TM7SF3: variants seen among roughly 807,000 people sequenced by gnomAD.
The protein encoded by TM7SF3 is seven span transmembrane protein.
TM7SF3 carries 60 observed loss-of-function variants against 65.5 expected under a neutral mutation model. That is an observed-to-expected ratio of 0.92 (90% CI 0.74 to 1.14). The LOEUF is 1.14. Among genes scored for constraint, TM7SF3 ranks in the 50% most tolerant of loss-of-function variants. The pLI is 0.00. For missense variants in TM7SF3, 623 were observed against 684.8 expected (o/e 0.91, Z 1.01); for synonymous variants, 264 against 259.6 (o/e 1.02, Z -0.16).
At chr12:26,980,120 C>G (rs935034547) in intron 8 of TM7SF3, 184 bp from the exon 9 acceptor site, 37 of 664,406 alleles carry the variant, frequency 5.6e-5, no homozygotes, top group Non-Finnish European at 8.6e-5. Context: ...TGGGCTGAGA[C>G]AAGGAAATTA....
chr12:27,007,599 G>T (rs1188651786), intron 1 of TM7SF3, among the ~76,000 whole-genome samples: 1 of 151,858 alleles, frequency 6.6e-6, no homozygotes, highest in East Asian at 1.9e-4. Context: ...AATCCCTGGG[G>T]CTAAGGTCCA....
rs989405205 is a variant in TM7SF3 at position 26,983,232 on chromosome 12, G to C, written c.869-373C>G. On this transcript the variant is annotated intron_variant, in intron 6 of 11. Transcript: ENST00000343028. ...CATGGACAAAAGGTGGCAGGGAGTG[G>C]GGGGGAGGTGGTGGGGGTGGGTGGA... Among the ~76,000 whole-genome samples, 4 of 150,720 alleles carry C rather than the reference G, an allele frequency of 2.7e-5. No homozygotes were observed. The South Asian group carries it at 6.4e-4, about 24-fold the overall frequency.
At position 26,980,639 on chromosome 12, in the gene TM7SF3, G is replaced by A; in HGVS notation, c.963C>T (p.Phe321=). 1 of 1,555,586 alleles carries A rather than the reference G, an allele frequency of 6.4e-7. No homozygotes were observed. Among genetic ancestry groups the A allele is most frequent in the Non-Finnish European group, 8.8e-7 (1 of 1,142,102 alleles). Residue 321 remains phenylalanine (F), a synonymous_variant, in exon 8 of 12, where the codon TTC becomes TTT. Coordinates refer to ENST00000343028, the MANE Select transcript of TM7SF3 (RefSeq NM_016551.3). ...FGHRFWKTEL[F]FIGFIIMGFF... Reference sequence around the variant, plus strand: ...ATCCCATGATGATAAAGCCTATGAAGAATAATTCTAAGTGGCAAACCACCA... The same window carrying A: ...ATCCCATGATGATAAAGCCTATGAAAAATAATTCTAAGTGGCAAACCACCA...
At chr12:26,976,581 G>A (rs1418118098) in intron 9 of TM7SF3, among the ~76,000 whole-genome samples, 2 of 152,170 alleles carry the variant, frequency 1.3e-5, no homozygotes, top group South Asian at 2.1e-4. Context: ...GCAGGTCAAC[G>A]CTCTGCACTT....
At chr12:26,984,600 A>G (rs1211708707) in intron 6 of TM7SF3, among the ~76,000 whole-genome samples, 1 of 152,178 alleles carries the variant, frequency 6.6e-6, no homozygotes, top group Non-Finnish European at 1.5e-5. Context: ...AATCCCGTGA[A>G]CTTTTCAGCA....
intron 6 of TM7SF3, among the ~76,000 whole-genome samples, chr12:26,984,366 T>G (rs928305717): frequency 5.9e-5 from 9 of 151,672 alleles, no homozygotes; most frequent in African/African-American, 2.2e-4. Context: ...GAAGCAGAGG[T>G]TGCAGTGAGC....
At position 26,973,970 on chromosome 12, in the gene TM7SF3, G is replaced by A. The variant is rs1483263363; in HGVS notation, c.1708C>T (p.Leu570=). 1 of 1,613,760 alleles carries A rather than the reference G, an allele frequency of 6.2e-7. No individual in the cohort carries two copies. The highest frequency in any genetic ancestry group is 8.5e-7 in the Non-Finnish European group (1 of 1,179,994). ...CTGACCAAGCCCCTGGGCATCTACAGAAGCAAAGGCGTTCTCTCTCCAGCT... is the reference window on the plus strand; with the variant it reads ...CTGACCAAGCCCCTGGGCATCTACAAAAGCAAAGGCGTTCTCTCTCCAGCT... ...QPAGERTPLL[L] The change falls in exon 12 of 12, where the codon CTG becomes TTG. Residue 570 remains leucine, a synonymous_variant. Transcript: ENST00000343028.
chr12:26,981,656 G>T (rs1215378228), intron 7 of TM7SF3, among the ~76,000 whole-genome samples: 1 of 152,052 alleles, frequency 6.6e-6, no homozygotes, highest in Non-Finnish European at 1.5e-5. Context: ...TGTCATAATA[G>T]CAGGAAAGGA....
chr12:26,988,673 TG>T (rs34662889), intron 6 of TM7SF3, among the ~76,000 whole-genome samples: 2 of 9,640 alleles, frequency 2.1e-4, no homozygotes, highest in African/African-American at 6.7e-4. Context: ...AGAAGAAAAT[TG>T]TGTGTGTGTG....
At chr12:26,989,647 A>G (rs1187783324) in intron 6 of TM7SF3, among the ~76,000 whole-genome samples, 1 of 150,608 alleles carries the variant, frequency 6.6e-6, no homozygotes, top group Non-Finnish European at 1.5e-5. Context: ...CTGAGAAACC[A>G]TTTCAAGATA....
intron 6 of TM7SF3, chr12:26,983,348 G>A (rs1802319246): frequency 6.1e-6 from 2 of 326,280 alleles, no homozygotes; most frequent in African/African-American, 2.1e-5. Flanking sequence ...ACAAACTGTG[G>A]AAAACAATTG....
At chr12:26,976,143 G>A in intron 10 of TM7SF3, 117 bp downstream of exon 10, 1 of 748,872 alleles carries the variant, frequency 1.3e-6, no homozygotes, top group Non-Finnish European at 2.3e-6. Context: ...TCAGTCATCT[G>A]ATACAGGTAA....
intron 6 of TM7SF3, among the ~76,000 whole-genome samples, chr12:26,989,485 C>T (rs946637168): frequency 2.0e-5 from 3 of 151,116 alleles, no homozygotes; most frequent in Non-Finnish European, 4.4e-5. Flanking sequence ...GCACAGGAGT[C>T]GGCTCCCCCA....
chr12:26,995,422 AC>A lies in TM7SF3; in HGVS notation c.519-15del, dbSNP rs752084891. On this transcript the variant is annotated splice_polypyrimidine_tract_variant and intron_variant, in intron 4 of 11. Coordinates refer to ENST00000343028, the MANE Select transcript of TM7SF3 (RefSeq NM_016551.3). The stretch of plus-strand genomic sequence containing the variant: ...GGATCTACGCCTCTAAAGTCAACCA[AC>A]AAAATGAAACATCAGTCTCTTGTGG... 1 of 1,613,880 alleles carries A rather than the reference AC, an allele frequency of 6.2e-7. No individual in the cohort carries two copies. The highest frequency in any genetic ancestry group is 8.5e-7 in the Non-Finnish European group (1 of 1,179,882).
intron 1 of TM7SF3, among the ~76,000 whole-genome samples, 179 bp from the exon 2 acceptor site, chr12:27,003,569 G>A (rs1275616418): frequency 7.9e-5 from 12 of 152,204 alleles, no homozygotes; most frequent in Non-Finnish European, 8.8e-5. Flanking sequence ...AGCCCATCCA[G>A]GGTCATCCAG....
rs369276544 is a variant in TM7SF3, at chr12:26,973,981, G to A, written c.1697C>T (p.Thr566Met). ...CCTGGGCATCTACAGAAGCAAAGGCGTTCTCTCTCCAGCTGGCTGCTCCTT... is the reference window on the plus strand; with the variant it reads ...CCTGGGCATCTACAGAAGCAAAGGCATTCTCTCTCCAGCTGGCTGCTCCTT... ...FQKEQPAGER[T>M]PLLL Residue 566 changes from threonine (T) to methionine (M), a missense_variant, in exon 12 of 12, where the codon ACG (threonine) becomes ATG (methionine). By Grantham distance (81) the Thr-to-Met change is moderately conservative (BLOSUM62 -1). Transcript: ENST00000343028. The A allele has an allele frequency of 6.8e-6, 11 of 1,614,008 alleles. No homozygotes were observed. The highest frequency in any genetic ancestry group is 2.7e-5 in the African/African-American group (2 of 74,928).
At chr12:27,000,546 G>A (rs893019348) in intron 2 of TM7SF3, among the ~76,000 whole-genome samples, 4 of 151,896 alleles carry the variant, frequency 2.6e-5, no homozygotes, top group Non-Finnish European at 4.4e-5. Flanking sequence ...TACAAGCTCC[G>A]CCTCCCGGGT....
chr12:26,979,882 G>A lies in TM7SF3; in HGVS notation c.1091C>T (p.Ala364Val). The change falls in exon 9 of 12, where the codon GCT becomes GTT. Residue 364 changes from alanine to valine, a missense_variant. Coordinates refer to ENST00000343028, the MANE Select transcript of TM7SF3 (RefSeq NM_016551.3). ...GAGGATTCCAAATCGCCACCACACA[G>A]CTACCAAGAACATTCCACCGACGCT... ...TGSVGGMFLV[A>V]VWWRFGILSI... 7 of 1,614,182 alleles carry A rather than the reference G, an allele frequency of 4.3e-6. No individual in the cohort carries two copies. Among genetic ancestry groups the A allele is most frequent in the Non-Finnish European group, 5.9e-6 (7 of 1,180,038 alleles).
intron 1 of TM7SF3, among the ~76,000 whole-genome samples, chr12:27,009,252 T>A (rs1351590553): frequency 6.6e-6 from 1 of 152,198 alleles, no homozygotes; most frequent in Non-Finnish European, 1.5e-5. Flanking sequence ...CATATAAGTT[T>A]TAGAAATCAG....
Sources: gnomAD v4.1 joint callset for allele counts (sites outside exome capture counted in the v4.1 genomes callset) on GRCh38, gnomAD v4.1.1 for gene constraint, MANE v1.5 for transcripts, NCBI Gene and HGNC (gene_info 2026-07-23, HGNC 2026-07-21) for gene names.